The following TMX4 variants were observed in gnomAD, a reference collection of about 807,000 sequenced individuals.
TMX4 encodes thioredoxin related transmembrane protein 4.
Under a neutral mutation model 33.3 loss-of-function variants are expected in TMX4, and 23 were observed. That is an observed-to-expected ratio of 0.69 (90% CI 0.50 to 0.98). The LOEUF (loss-of-function observed/expected upper bound fraction) is 0.98, where lower values mean the gene tolerates loss of function less well. TMX4 is among the 50% of genes least tolerant of loss of function. TMX4 has a pLI of 0.00. For missense variants in TMX4, 399 were observed against 448.9 expected (o/e 0.89, Z 1.01); for synonymous variants, 164 against 161.5 (o/e 1.02, Z -0.12).
At chr20:8,009,861 T>TAAAAAAAAAAA (rs11289988) in intron 2 of TMX4, among the ~76,000 whole-genome samples, 5 of 84,610 alleles carry the variant, frequency 5.9e-5, no homozygotes, top group Admixed American at 1.2e-4. Context: ...CAAAAAACTG[T>TAAAAAAAAAAA]AAAAAAAAAA....
At position 7,982,488 on chromosome 20, in the gene TMX4, G is replaced by A. The variant is rs369576638; in HGVS notation, c.813C>T (p.Gly271=). Reference sequence around the variant, plus strand: ...CTTCTTCCTCTGCTTCATCCTCATCGCCAAGATCTTCTTTCTCTTCTTCAT... The same window carrying A: ...CTTCTTCCTCTGCTTCATCCTCATCACCAAGATCTTCTTTCTCTTCTTCAT... ...VDDEEEKEDL[G]DEDEAEEEEE... is the part of the protein sequence containing the mutation. Residue 271 remains glycine (G), a synonymous_variant, in exon 8 of 8, where the codon GGC becomes GGT. Transcript: ENST00000246024. 39 of 1,613,566 alleles carry A rather than the reference G, an allele frequency of 2.4e-5. No homozygotes were observed. The highest frequency in any genetic ancestry group is 6.7e-5 in the East Asian group (3 of 44,826).
At chr20:7,996,646 C>T (rs1055341102) in intron 4 of TMX4, among the ~76,000 whole-genome samples, 1 of 152,112 alleles carries the variant, frequency 6.6e-6, no homozygotes, top group Non-Finnish European at 1.5e-5. Context: ...TCTCTTATCA[C>T]AGTCCAATTC....
intron 1 of TMX4, among the ~76,000 whole-genome samples, chr20:8,016,500 T>C (rs991792356): frequency 7.2e-5 from 11 of 152,208 alleles, no homozygotes; most frequent in Admixed American, 2.6e-4. Context: ...TTTTAACTCA[T>C]ACATTTTTAA....
chr20:8,010,345 T>A lies in TMX4; in HGVS notation c.177-30A>T, dbSNP rs770454900. The stretch of plus-strand genomic sequence containing the variant: ...AAGAGAAGAATAAGAATTATATTGA[T>A]AAATATACAGAAGAAATCTGCAAAA... On this transcript the variant is annotated intron_variant, in intron 1 of 7. Coordinates refer to ENST00000246024, the MANE Select transcript of TMX4 (RefSeq NM_021156.4). 3 of 1,436,628 alleles carry A rather than the reference T, an allele frequency of 2.1e-6. No homozygotes were observed. The Admixed American group carries it at 6.2e-5, about 29-fold the overall frequency. The allele number at this position is 1,436,628 out of a possible 1,614,324, so 89.0% of individuals were successfully genotyped here.
At position 7,982,601 on chromosome 20, in the gene TMX4, C is replaced by T; in HGVS notation, c.700G>A (p.Glu234Lys). The T allele has an allele frequency of 6.2e-7, 1 of 1,612,332 alleles. No individual in the cohort carries two copies. The highest frequency in any genetic ancestry group is 8.5e-7 in the Non-Finnish European group (1 of 1,179,684). Residue 234 changes from glutamate to lysine, a missense_variant, in exon 8 of 8, where the codon GAG becomes AAG. Glu to Lys is a moderately conservative substitution (Grantham distance 56, BLOSUM62 1). Coordinates refer to ENST00000246024, the MANE Select transcript of TMX4 (RefSeq NM_021156.4). Reference sequence around the variant, plus strand: ...TGCAACTGTTCAGCTCTATGAGCCTCCTCTGATCTCCGATTCTGCTCTATG... The same window carrying T: ...TGCAACTGTTCAGCTCTATGAGCCTTCTCTGATCTCCGATTCTGCTCTATG... ...ERSEQNRRSE[E>K]AHRAEQLQDA...
intron 5 of TMX4, among the ~76,000 whole-genome samples, chr20:7,992,200 T>G (rs6133521): frequency 1.2e-4 from 18 of 152,262 alleles, no homozygotes; most frequent in South Asian, 6.2e-4. Flanking sequence ...CAAAATCAAT[T>G]TTGTCCTTTG....
chr20:7,983,886 A>G, intron 6 of TMX4, 29 bp from the exon 7 acceptor site: 1 of 1,573,112 alleles, frequency 6.4e-7, no homozygotes, highest in Non-Finnish European at 8.7e-7. Flanking sequence ...TTTTACAGTG[A>G]ATAGATAGGA....
chr20:7,983,726 A>G, intron 7 of TMX4, 68 bp downstream of exon 7: 1 of 1,343,584 alleles, frequency 7.4e-7, no homozygotes, highest in Non-Finnish European at 1.1e-6. Context: ...CACTATCTAT[A>G]TGAGCACAAA....
chr20:8,001,337 A>G (rs1176673787), intron 3 of TMX4, among the ~76,000 whole-genome samples, 159 bp downstream of exon 3: 1 of 152,304 alleles, frequency 6.6e-6, no homozygotes, highest in East Asian at 1.9e-4. Flanking sequence ...GCACTCCAGG[A>G]AAGCTTCTCT....
intron 1 of TMX4, among the ~76,000 whole-genome samples, chr20:8,012,963 C>T (rs1487724650): frequency 1.3e-5 from 2 of 152,114 alleles, no homozygotes; most frequent in African/African-American, 4.8e-5. Flanking sequence ...AGCTCTGAGT[C>T]TTTAGCATGG....
chr20:8,003,467 CAATA>C (rs1257342448), intron 2 of TMX4, among the ~76,000 whole-genome samples: 3 of 151,768 alleles, frequency 2.0e-5, no homozygotes, highest in South Asian at 2.1e-4. Flanking sequence ...CTGGCTATGA[CAATA>C]AATAAAGAAG....
chr20:7,987,253 C>T (rs1190725269), intron 6 of TMX4, 35 bp downstream of exon 6: 3 of 1,382,546 alleles, frequency 2.2e-6, no homozygotes, highest in Non-Finnish European at 3.0e-6. Flanking sequence ...TTCATTTTGC[C>T]TTAAAGATAG....
chr20:8,019,305 T>G, intron 1 of TMX4, 133 bp downstream of exon 1: 50 of 1,082,292 alleles, frequency 4.6e-5, no homozygotes, highest in East Asian at 2.0e-4. Context: ...GCGCCGCAGG[T>G]TGTTGGCAAG....
intron 2 of TMX4, among the ~76,000 whole-genome samples, chr20:8,006,876 C>T (rs984600357): frequency 6.6e-6 from 1 of 152,018 alleles, no homozygotes; most frequent in Non-Finnish European, 1.5e-5. Flanking sequence ...CTCCATTCTC[C>T]TGCCTCAGCC....
intron 6 of TMX4, among the ~76,000 whole-genome samples, chr20:7,984,971 G>C (rs1020307444): frequency 6.6e-6 from 1 of 152,016 alleles, no homozygotes; most frequent in Admixed American, 6.6e-5. Context: ...ACCCTGGCAT[G>C]CTACGTAAAT....
intron 2 of TMX4, among the ~76,000 whole-genome samples, chr20:8,002,751 T>G (rs1371674038): frequency 6.6e-6 from 1 of 152,216 alleles, no homozygotes; most frequent in Non-Finnish European, 1.5e-5. Context: ...ATTTTATAAA[T>G]TAAATCCATA....
chr20:8,006,029 G>A (rs1013015570), intron 2 of TMX4, among the ~76,000 whole-genome samples: 6 of 152,132 alleles, frequency 3.9e-5, no homozygotes, highest in African/African-American at 1.2e-4. Context: ...TTGAGCTGAC[G>A]AACACAAGCC....
At chr20:7,991,212 T>C (rs79230415) in intron 5 of TMX4, among the ~76,000 whole-genome samples, 5,126 of 152,236 alleles carry the variant, frequency 0.034, 281 homozygotes, top group African/African-American at 0.11. Context: ...TTATTTTAGC[T>C]AAAATCTGCC....
Position 7,977,860 on chromosome 20 carries a change from T to C in TMX4, c.*4391A>G, listed in dbSNP as rs559415619. ...TACAGTGTCACAGTCTACATAAAGCTTTACTGAGAATAAGCCATCTGAAGG... is the reference window on the plus strand; with the variant it reads ...TACAGTGTCACAGTCTACATAAAGCCTTACTGAGAATAAGCCATCTGAAGG... On this transcript the variant is annotated 3_prime_UTR_variant, in exon 8 of 8. Coordinates refer to ENST00000246024, the MANE Select transcript of TMX4 (RefSeq NM_021156.4). 1.3e-5 allele frequency: 2 copies of C among 152,314 alleles called. No individual in the cohort carries two copies. Among genetic ancestry groups the C allele is most frequent in the African/African-American group, 4.8e-5 (2 of 41,566 alleles). 9.4% of individuals were successfully genotyped at this position (152,314 alleles called of 1,614,324 possible). A position where few individuals can be genotyped will look rare whatever the true frequency, so the allele number is the denominator to read the frequency against.
Sources: gnomAD v4.1 joint callset for allele counts (sites outside exome capture counted in the v4.1 genomes callset) on GRCh38, gnomAD v4.1.1 for gene constraint, MANE v1.5 for transcripts, NCBI Gene and HGNC (gene_info 2026-07-23, HGNC 2026-07-21) for gene names.